Variants in BACE2 observed in about 807,000 individuals in gnomAD.
BACE2 encodes the protein 56 kDa aspartic-like protease.
In BACE2, 17 loss-of-function variants were observed where a neutral mutation model predicts 46.2. The observed-to-expected ratio is 0.37, with a 90% CI of 0.25 to 0.55. BACE2 has a LOEUF of 0.55. Among genes scored for constraint, BACE2 ranks in the 20% least tolerant of loss-of-function variants. The pLI is 0.82. For synonymous variants in BACE2, 277 were observed against 295.9 expected (o/e 0.94, Z 0.66); for missense variants, 595 against 698.1 (o/e 0.85, Z 1.66).
intron 6 of BACE2, among the ~76,000 whole-genome samples, chr21:41,246,451 G>C (rs2837986): frequency 6.6e-6 from 1 of 151,974 alleles, no homozygotes. Flanking sequence ...TGCTAATATA[G>C]CTATGTTAGA....
intron 1 of BACE2, among the ~76,000 whole-genome samples, chr21:41,219,171 T>G (rs888368015): frequency 6.0e-5 from 9 of 150,060 alleles, no homozygotes; most frequent in African/African-American, 2.2e-4. Context: ...AATTCTTGAT[T>G]TTTTTAGAAG....
At chr21:41,249,358 T>G (rs573503695) in intron 6 of BACE2, among the ~76,000 whole-genome samples, 23 of 148,878 alleles carry the variant, frequency 1.5e-4, no homozygotes, top group African/African-American at 5.8e-4. Context: ...CTCAGGGGAC[T>G]CAGAACTAGT....
At position 41,174,138 on chromosome 21, in the gene BACE2, CCTTTTTTTT is replaced by C. The variant is rs1251928407; in HGVS notation, c.312+5564_312+5572del. Among the ~76,000 whole-genome samples, 77 of 70,652 alleles carry C rather than the reference CCTTTTTTTT, an allele frequency of 1.1e-3. 3 individuals carry two copies. The highest frequency in any genetic ancestry group is 4.6e-3 in the African/African-American group (49 of 10,562). 46.4% of individuals were successfully genotyped at this position (70,652 alleles called of 152,430 possible). ...TAAGGATAGCTGTTGTGATCAGTGG[CCTTTTTTTT>C]TTTTTTTTTTTTTTTTTAAACAGTC... On this transcript the variant is annotated intron_variant, in intron 1 of 8. Transcript: ENST00000330333.
Position 41,241,963 on chromosome 21 carries a change from T to G in BACE2, c.747+16T>G, listed in dbSNP as rs368509758. 3 of 1,611,674 alleles carry G rather than the reference T, an allele frequency of 1.9e-6. No homozygotes were observed. The African/African-American group carries it at 4.0e-5, about 22-fold the overall frequency. On this transcript the variant is annotated intron_variant, in intron 4 of 8. Coordinates refer to ENST00000330333, the MANE Select transcript of BACE2 (RefSeq NM_012105.5). ...AGGTAGTCTTGTGGGTATCTTTTAG[T>G]CTTAAAGGGGCGAAAAATCACAGAT...
rs1221844998 is a variant in BACE2 at position 41,276,527 on chromosome 21, G to A, written c.*903G>A. 2 of 152,106 alleles carry A rather than the reference G, an allele frequency of 1.3e-5. No individual in the cohort carries two copies. Among genetic ancestry groups the A allele is most frequent in the Admixed American group, 6.5e-5 (1 of 15,284 alleles). 9.4% of individuals were successfully genotyped at this position (152,106 alleles called of 1,614,324 possible). ...CCAGGAAGAGTTCTATCCCCAAGCT[G>A]GCCACTATCACATATGCTTACTCTT... On this transcript the variant is annotated 3_prime_UTR_variant, in exon 9 of 9. Transcript: ENST00000330333.
chr21:41,230,093 A>G lies in BACE2; in HGVS notation c.401+3739A>G, dbSNP rs897997567. Reference sequence around the variant, plus strand: ...TACTGCAGAGACTGACTTATTACATATAACACATCACGCACCTTTTGGGTG... The same window carrying G: ...TACTGCAGAGACTGACTTATTACATGTAACACATCACGCACCTTTTGGGTG... On this transcript the variant is annotated intron_variant, in intron 2 of 8. Coordinates refer to ENST00000330333, the MANE Select transcript of BACE2 (RefSeq NM_012105.5). 4.6e-5 allele frequency: 7 copies of G among 152,330 alleles called. No homozygotes were observed. In the East Asian group the frequency reaches 5.8e-4, roughly 13 times the overall value. 9.4% of individuals were successfully genotyped at this position (152,330 alleles called of 1,614,324 possible). A position where few individuals can be genotyped will look rare whatever the true frequency, so the allele number is the denominator to read the frequency against.
At chr21:41,248,687 A>G (rs1192071769) in intron 6 of BACE2, among the ~76,000 whole-genome samples, 2 of 152,168 alleles carry the variant, frequency 1.3e-5, no homozygotes, top group African/African-American at 4.8e-5. Context: ...GGATGAACCA[A>G]CCACAGGGTG....
chr21:41,169,133 T>C (rs1984502851), intron 1 of BACE2, among the ~76,000 whole-genome samples: 1 of 151,890 alleles, frequency 6.6e-6, no homozygotes, highest in South Asian at 2.1e-4. Context: ...GCTCGCTTGC[T>C]GCTCTGAGGA....
chr21:41,189,265 A>G (rs1180837157), intron 1 of BACE2, among the ~76,000 whole-genome samples: 1 of 151,582 alleles, frequency 6.6e-6, no homozygotes, highest in Non-Finnish European at 1.5e-5. Flanking sequence ...CATGTCTGAG[A>G]AATTGTCTAG....
At position 41,245,997 on chromosome 21, in the gene BACE2, C is replaced by A. The variant is rs1260966206; in HGVS notation, c.918C>A (p.Thr306=). The change falls in exon 6 of 9, where the codon ACC becomes ACA. Residue 306 remains threonine (T), a synonymous_variant. Transcript: ENST00000330333. ...ACAAGGCCATCGTGGACAGTGGCACCACGCTGCTGCGCCTGCCCCAGAAGG... is the reference window on the plus strand; with the variant it reads ...ACAAGGCCATCGTGGACAGTGGCACAACGCTGCTGCGCCTGCCCCAGAAGG... ...NADKAIVDSG[T]TLLRLPQKVF... The A allele has an allele frequency of 2.5e-6, 4 of 1,611,270 alleles. No homozygotes were observed. The highest frequency in any genetic ancestry group is 3.4e-6 in the Non-Finnish European group (4 of 1,178,858).
chr21:41,242,087 A>AG, intron 4 of BACE2, 140 bp downstream of exon 4: 1 of 1,118,910 alleles, frequency 8.9e-7, no homozygotes, highest in Admixed American at 2.4e-5. Context: ...TCCTTGTAGT[A>AG]GATCTTTTTA....
At chr21:41,207,313 A>G (rs1986159289) in intron 1 of BACE2, among the ~76,000 whole-genome samples, 1 of 152,130 alleles carries the variant, frequency 6.6e-6, no homozygotes, top group African/African-American at 2.4e-5. Context: ...CCCCTCCCCA[A>G]CTATCATCAA....
chr21:41,171,196 C>T (rs915208598), intron 1 of BACE2, among the ~76,000 whole-genome samples: 4 of 152,240 alleles, frequency 2.6e-5, no homozygotes, highest in African/African-American at 9.6e-5. Flanking sequence ...CTGGACCCTC[C>T]GGAACTCCGT....
chr21:41,223,495 G>A (rs1344586988), intron 1 of BACE2, among the ~76,000 whole-genome samples: 1 of 152,168 alleles, frequency 6.6e-6, no homozygotes, highest in East Asian at 1.9e-4. Flanking sequence ...GGCCATGGTT[G>A]TCAGTCCTTT....
chr21:41,227,726 T>C (rs1016427817), intron 2 of BACE2, among the ~76,000 whole-genome samples: 3 of 152,214 alleles, frequency 2.0e-5, no homozygotes, highest in African/African-American at 7.2e-5. Context: ...GCTTTCTTCA[T>C]TGATATTCCC....
At chr21:41,179,033 T>C in intron 1 of BACE2, 1 of 1,058,772 alleles carries the variant, frequency 9.4e-7, no homozygotes, top group Non-Finnish European at 1.2e-6. Flanking sequence ...AGGGAAAGCG[T>C]GTCCCAGGCT....
chr21:41,182,438 C>G (rs1985167956), intron 1 of BACE2: 1 of 167,012 alleles, frequency 6.0e-6, no homozygotes, highest in Non-Finnish European at 1.5e-5. Flanking sequence ...CCTGGTTGAA[C>G]CGGGGAGCTA....
At chr21:41,241,327 C>A (rs1257545726) in intron 3 of BACE2, among the ~76,000 whole-genome samples, 1 of 152,164 alleles carries the variant, frequency 6.6e-6, no homozygotes, top group Non-Finnish European at 1.5e-5. Flanking sequence ...TAAGCCTCAC[C>A]CCAGGCTCTG....
At chr21:41,214,446 G>A (rs1986393062) in intron 1 of BACE2, among the ~76,000 whole-genome samples, 1 of 152,184 alleles carries the variant, frequency 6.6e-6, no homozygotes, top group Non-Finnish European at 1.5e-5. Context: ...TTTGGGCAGG[G>A]CTGCTGGAAC....
Sources: gnomAD v4.1 joint callset for allele counts (sites outside exome capture counted in the v4.1 genomes callset) on GRCh38, gnomAD v4.1.1 for gene constraint, MANE v1.5 for transcripts, NCBI Gene and HGNC (gene_info 2026-07-23, HGNC 2026-07-21) for gene names.